Variants in GPC6 observed in about 807,000 individuals in gnomAD.
The protein encoded by GPC6 is glypican-6.
Under a neutral mutation model 55.2 loss-of-function variants are expected in GPC6, and 14 were observed. The ratio of observed to expected loss-of-function variants is 0.25; its 90% confidence interval spans 0.17 to 0.40. GPC6 has a LOEUF of 0.40. GPC6 is among the 10% of genes least tolerant of loss of function. The pLI is 1.00. For missense variants in GPC6, 641 were observed against 708.5 expected (o/e 0.90, Z 1.08); for synonymous variants, 278 against 259.6 (o/e 1.07, Z -0.68).
At chr13:93,252,373 C>T (rs1173666986) in intron 1 of GPC6, among the ~76,000 whole-genome samples, 1 of 152,128 alleles carries the variant, frequency 6.6e-6, no homozygotes, top group Non-Finnish European at 1.5e-5. Flanking sequence ...TAGAAATTTC[C>T]ATCTGATAAA....
At chr13:93,660,774 C>A (rs1880890897) in intron 2 of GPC6, among the ~76,000 whole-genome samples, 1 of 152,212 alleles carries the variant, frequency 6.6e-6, no homozygotes, top group African/African-American at 2.4e-5. Flanking sequence ...TAAAGAGGAT[C>A]TTCCAGGAGA....
At chr13:94,372,578 C>T (rs1156927418) in intron 6 of GPC6, among the ~76,000 whole-genome samples, 2 of 152,072 alleles carry the variant, frequency 1.3e-5, no homozygotes, top group South Asian at 2.1e-4. Context: ...CACGGAGTCT[C>T]GCTGATTGCT....
At chr13:93,930,007 A>T (rs1407889143) in intron 3 of GPC6, among the ~76,000 whole-genome samples, 1 of 152,098 alleles carries the variant, frequency 6.6e-6, no homozygotes, top group East Asian at 1.9e-4. Context: ...TCATTGTACC[A>T]CTTTCTCCTT....
At chr13:94,208,687 G>A (rs1330138695) in intron 4 of GPC6, among the ~76,000 whole-genome samples, 2 of 148,158 alleles carry the variant, frequency 1.3e-5, no homozygotes, top group Non-Finnish European at 3.0e-5. Flanking sequence ...GATGGTGGGA[G>A]GCCAAGGCAG....
intron 3 of GPC6, among the ~76,000 whole-genome samples, chr13:93,950,568 G>A (rs1879208287): frequency 6.6e-6 from 1 of 152,268 alleles, no homozygotes; most frequent in Admixed American, 6.5e-5. Flanking sequence ...AATCCCACTT[G>A]TCCTTAACAG....
At chr13:94,074,744 T>C (rs1219049610) in intron 4 of GPC6, among the ~76,000 whole-genome samples, 3 of 152,212 alleles carry the variant, frequency 2.0e-5, no homozygotes, top group African/African-American at 7.2e-5. Flanking sequence ...CCAAAATGAC[T>C]ACATTTCTGC....
chr13:94,063,625 T>C (rs79163552), intron 4 of GPC6, among the ~76,000 whole-genome samples: 5,362 of 152,198 alleles, frequency 0.035, 267 homozygotes, highest in African/African-American at 0.1. Context: ...CAAAAACAGA[T>C]AAAATAGCCT....
chr13:94,046,886 A>T (rs1034851581), intron 4 of GPC6, among the ~76,000 whole-genome samples: 17 of 152,182 alleles, frequency 1.1e-4, no homozygotes, highest in African/African-American at 4.1e-4. Flanking sequence ...TAGTGTGTGT[A>T]AAATGTACAA....
At chr13:93,406,458 C>T (rs746994310) in intron 1 of GPC6, among the ~76,000 whole-genome samples, 7 of 152,158 alleles carry the variant, frequency 4.6e-5, no homozygotes, top group Admixed American at 1.3e-4. Context: ...TCTGTCTCCT[C>T]ACTTCTAGTC....
At chr13:93,332,209 T>G (rs1879874144) in intron 1 of GPC6, among the ~76,000 whole-genome samples, 1 of 152,064 alleles carries the variant, frequency 6.6e-6, no homozygotes, top group Non-Finnish European at 1.5e-5. Flanking sequence ...TCCTTTCTTT[T>G]GGATCCATAC....
At chr13:93,643,623 C>A (rs1163448175) in intron 2 of GPC6, among the ~76,000 whole-genome samples, 1 of 152,092 alleles carries the variant, frequency 6.6e-6, no homozygotes, top group Admixed American at 6.6e-5. Context: ...AAGAACATTT[C>A]TTCTTTCCTG....
chr13:93,873,715 A>T (rs770532784), intron 3 of GPC6, among the ~76,000 whole-genome samples: 16 of 151,986 alleles, frequency 1.1e-4, no homozygotes, highest in Non-Finnish European at 1.9e-4. Flanking sequence ...AATACAACGT[A>T]TTATTATAAA....
chr13:94,355,213 AG>A (rs1878736763), intron 6 of GPC6, among the ~76,000 whole-genome samples: 3 of 151,644 alleles, frequency 2.0e-5, no homozygotes, highest in South Asian at 4.2e-4. Context: ...TAGTAGAGAC[AG>A]GGTTTCACCA....
chr13:93,658,242 C>T (rs918330930), intron 2 of GPC6, among the ~76,000 whole-genome samples: 1 of 151,976 alleles, frequency 6.6e-6, no homozygotes, highest in East Asian at 1.9e-4. Context: ...AAGCACTGAT[C>T]TATTTCTCTT....
At chr13:93,878,883 A>T (rs1874773071) in intron 3 of GPC6, among the ~76,000 whole-genome samples, 1 of 152,142 alleles carries the variant, frequency 6.6e-6, no homozygotes, top group Non-Finnish European at 1.5e-5. Flanking sequence ...ATCGACCAAG[A>T]GAGGCAGGGA....
intron 2 of GPC6, among the ~76,000 whole-genome samples, chr13:93,826,318 C>G (rs1365546635): frequency 1.3e-5 from 2 of 152,088 alleles, no homozygotes; most frequent in Non-Finnish European, 2.9e-5. Context: ...CAAACATACA[C>G]AATTGCATAC....
At chr13:94,401,776 T>C (rs1314572163) in intron 8 of GPC6, among the ~76,000 whole-genome samples, 1 of 152,090 alleles carries the variant, frequency 6.6e-6, no homozygotes, top group Non-Finnish European at 1.5e-5. Flanking sequence ...CACTTAAAAC[T>C]ATAAAAACCA....
chr13:94,110,346 A>G (rs1886200097), intron 4 of GPC6, among the ~76,000 whole-genome samples: 1 of 152,114 alleles, frequency 6.6e-6, no homozygotes, highest in Admixed American at 6.6e-5. Context: ...AGTAGAGAAC[A>G]CAGATGGTTC....
chr13:94,028,949 T>A (rs942553501), intron 4 of GPC6, among the ~76,000 whole-genome samples: 10 of 152,226 alleles, frequency 6.6e-5, no homozygotes, highest in African/African-American at 2.4e-4. Flanking sequence ...ATAAAAGTAC[T>A]TTCAATTGCA....
Sources: allele counts gnomAD v4.1 joint callset (sites outside exome capture counted in the v4.1 genomes callset), GRCh38; gene constraint gnomAD v4.1.1; transcripts MANE v1.5; gene names NCBI Gene and HGNC (gene_info 2026-07-23, HGNC 2026-07-21).